Variants in DRC4 observed in about 807,000 individuals in gnomAD.
DRC4 encodes GAS-11.
the DRC4 span, among the ~76,000 whole-genome samples, chr16:90,022,443 C>A: frequency 2.0e-5 from 3 of 152,352 alleles, no homozygotes; most frequent in African/African-American, 7.2e-5. Flanking sequence ...AGGGTTCCCC[C>A]CTCGTGGAGC....
At chr16:90,032,166 C>G in the DRC4 span, among the ~76,000 whole-genome samples, 7 of 145,192 alleles carry the variant, frequency 4.8e-5, no homozygotes, top group Non-Finnish European at 1.0e-4. Flanking sequence ...TGCAGGTGAG[C>G]AGGGGGGTAC....
At chr16:90,022,729 GC>G in the DRC4 span, 1 of 1,417,050 alleles carries the variant, frequency 7.1e-7, no homozygotes. Flanking sequence ...GTCATGGTGA[GC>G]AGGGGCGGGA....
At chr16:90,024,137 C>T in the DRC4 span, among the ~76,000 whole-genome samples, 2 of 143,778 alleles carry the variant, frequency 1.4e-5, no homozygotes, top group African/African-American at 2.6e-5. Flanking sequence ...CACACACACA[C>T]ACTCACACAC....
chr16:90,029,275 G>T, the DRC4 span: 28 of 1,366,692 alleles, frequency 2.0e-5, no homozygotes, highest in Admixed American at 3.8e-5. Context: ...CTTCTTCAGG[G>T]TCCAGGCAGG....
the DRC4 span, chr16:90,033,070 A>T: frequency 0.9 from 687,951 of 768,644 alleles, 309,004 homozygotes; most frequent in East Asian, 1. Flanking sequence ...TTGAAAAAAA[A>T]TTTTTTAAAG....
chr16:90,029,100 C>T, the DRC4 span: 51 of 1,259,142 alleles, frequency 4.1e-5, no homozygotes, highest in South Asian at 6.5e-4. Context: ...CTTCCCATTC[C>T]TGTGGAGACA....
chr16:90,025,007 TTCTC>T, the DRC4 span, among the ~76,000 whole-genome samples: 1 of 147,352 alleles, frequency 6.8e-6, no homozygotes, highest in African/African-American at 2.5e-5. Context: ...ACATAATATT[TTCTC>T]TCTCTCTTTT....
At chr16:90,039,876 G>A in the DRC4 span, 1 of 259,656 alleles carries the variant, frequency 3.9e-6, no homozygotes, top group South Asian at 4.9e-5. Context: ...TCTGGGGCTG[G>A]CCAAGGGAGC....
At chr16:90,043,516 A>G in the DRC4 span, 65 of 679,610 alleles carry the variant, frequency 9.6e-5, no homozygotes, top group Non-Finnish European at 1.5e-4. Flanking sequence ...AACCACCTGC[A>G]GGACCCTCAC....
the DRC4 span, among the ~76,000 whole-genome samples, chr16:90,021,349 T>G: frequency 1.3e-5 from 2 of 152,106 alleles, 1 homozygote; most frequent in South Asian, 4.1e-4. Context: ...CACAACTTTC[T>G]ACGAGCATGG....
the DRC4 span, chr16:90,027,811 T>G: frequency 4.1e-6 from 5 of 1,220,386 alleles, no homozygotes; most frequent in South Asian, 6.1e-5. Flanking sequence ...TCTTGCCATG[T>G]GGATCCACCC....
At chr16:90,029,374 G>C in the DRC4 span, 2 of 1,195,912 alleles carry the variant, frequency 1.7e-6, no homozygotes, top group African/African-American at 1.6e-5. Context: ...GTGGGCCTAG[G>C]AGTTCAGTGC....
chr16:90,031,262 T>C, the DRC4 span: 43 of 1,609,162 alleles, frequency 2.7e-5, no homozygotes, highest in South Asian at 3.3e-4. Flanking sequence ...CATGGGCCCC[T>C]GCTCAGTGCC....
chr16:90,042,483 C>G, the DRC4 span: 1 of 1,613,704 alleles, frequency 6.2e-7, no homozygotes. Flanking sequence ...GTTCTTGAGT[C>G]GAAGAACAGC....
the DRC4 span, among the ~76,000 whole-genome samples, chr16:90,033,086 A>C: frequency 1.3e-5 from 2 of 152,200 alleles, no homozygotes; most frequent in African/African-American, 4.8e-5. Flanking sequence ...TAAAGCATGC[A>C]TCCAAACAAA....
the DRC4 span, chr16:90,022,633 C>A: frequency 7.4e-7 from 1 of 1,345,682 alleles, no homozygotes; most frequent in Non-Finnish European, 9.7e-7. Flanking sequence ...CTTATCGCGG[C>A]ATCGCCCAGC....
the DRC4 span, among the ~76,000 whole-genome samples, chr16:90,028,432 C>G: frequency 6.6e-6 from 1 of 151,998 alleles, no homozygotes; most frequent in Admixed American, 6.6e-5. Flanking sequence ...TCGTGATCCA[C>G]TCGCCTCGGC....
chr16:90,028,209 G>A, the DRC4 span, among the ~76,000 whole-genome samples: 979 of 74,988 alleles, frequency 0.013, 14 homozygotes, highest in African/African-American at 0.055. Context: ...TTTTGAGACG[G>A]AGTCTCACTC....
At chr16:90,025,870 C>CAAAAAAAAAA in the DRC4 span, among the ~76,000 whole-genome samples, 1 of 84,712 alleles carries the variant, frequency 1.2e-5, no homozygotes. Context: ...GACTCCATCT[C>CAAAAAAAAAA]AAAAAAAAAA....
Sources: allele counts gnomAD v4.1 joint callset (sites outside exome capture counted in the v4.1 genomes callset), GRCh38; gene constraint gnomAD v4.1.1; transcripts MANE v1.5; gene names NCBI Gene and HGNC (gene_info 2026-07-23, HGNC 2026-07-21).